PPP2CB: variants seen among roughly 807,000 people sequenced by gnomAD.
PPP2CB encodes the protein protein phosphatase 2 catalytic subunit beta.
PPP2CB carries 18 observed loss-of-function variants against 39.1 expected under a neutral mutation model. That is an observed-to-expected ratio of 0.46 (90% CI 0.32 to 0.68). The LOEUF is 0.68. Among genes scored for constraint, PPP2CB ranks in the 30% least tolerant of loss-of-function variants. PPP2CB has a pLI of 0.04. For synonymous variants in PPP2CB, 129 were observed against 133.8 expected, an observed-to-expected ratio of 0.96 and a Z score of 0.25; for missense variants, 226 against 396.9, an observed-to-expected ratio of 0.57 and a Z score of 3.66.
intron 1 of PPP2CB, among the ~76,000 whole-genome samples, chr8:30,804,727 T>C (rs1270765627): frequency 2.6e-5 from 4 of 152,188 alleles, no homozygotes; most frequent in African/African-American, 9.7e-5. Context: ...AACTTTATTT[T>C]TTGTCTGCTG....
intron 1 of PPP2CB, among the ~76,000 whole-genome samples, chr8:30,809,758 C>T (rs946011274): frequency 3.3e-5 from 5 of 151,842 alleles, no homozygotes; most frequent in African/African-American, 9.7e-5. Flanking sequence ...CTGGGCAACA[C>T]GGTGAGACCC....
intron 6 of PPP2CB, 51 bp from the exon 7 acceptor site, chr8:30,786,358 A>C (rs1406707698): frequency 3.5e-6 from 5 of 1,413,124 alleles, no homozygotes; most frequent in Non-Finnish European, 4.9e-6. Flanking sequence ...TTGCAAAGAA[A>C]ACAAATGAAT....
At chr8:30,794,938 T>C (rs1419221318) in intron 3 of PPP2CB, among the ~76,000 whole-genome samples, 1 of 152,244 alleles carries the variant, frequency 6.6e-6, no homozygotes, top group Non-Finnish European at 1.5e-5. Context: ...TCTCAATGTT[T>C]ATACGTTTTA....
At position 30,789,801 on chromosome 8, in the gene PPP2CB, C is replaced by T. The variant is rs188144733; in HGVS notation, c.857+1396G>A. ...TCCTGGGGCTGCCGTAACAAATTACCGAACTGTATAGCTTATACAACGGGG... is the reference window on the plus strand; with the variant it reads ...TCCTGGGGCTGCCGTAACAAATTACTGAACTGTATAGCTTATACAACGGGG... On this transcript the variant is annotated intron_variant, in intron 6 of 6. Transcript: ENST00000221138. Among the ~76,000 whole-genome samples, 24 of 152,272 alleles carry T rather than the reference C, an allele frequency of 1.6e-4. No homozygotes were observed. In the East Asian group the frequency reaches 3.7e-3, roughly 23 times the overall value.
Position 30,785,923 on chromosome 8 carries a change from T to C in PPP2CB, c.*312A>G. 6.0e-6 allele frequency: 3 copies of C among 498,212 alleles called. No individual in the cohort carries two copies. The highest frequency in any genetic ancestry group is 2.5e-5 in the Admixed American group (1 of 40,684). The allele number at this position is 498,212 out of a possible 1,614,324, so 30.9% of individuals were successfully genotyped here. A position where few individuals can be genotyped will look rare whatever the true frequency, so the allele number is the denominator to read the frequency against. ...AAACACTATAACTAAAATTTCCAAA[T>C]AAGCGCAAAAGGAGATGAAGCAGTT... On this transcript the variant is annotated 3_prime_UTR_variant, in exon 7 of 7. Transcript: ENST00000221138.
chr8:30,812,275 C>G (rs1186505937), intron 1 of PPP2CB, 45 bp downstream of exon 1: 1 of 1,390,112 alleles, frequency 7.2e-7, no homozygotes, highest in Non-Finnish European at 9.5e-7. Flanking sequence ...AGCGGCGGCC[C>G]GTCCCAGCCC....
chr8:30,787,517 C>T (rs967344625), intron 6 of PPP2CB, among the ~76,000 whole-genome samples: 1 of 152,062 alleles, frequency 6.6e-6, no homozygotes, highest in African/African-American at 2.4e-5. Context: ...TTTTTGTATT[C>T]TTTGTAGATA....
Position 30,799,651 on chromosome 8 carries a change from A to G in PPP2CB, c.207T>C (p.Phe69=), listed in dbSNP as rs758058075. The change falls in exon 2 of 7, where the codon TTT becomes TTC. Residue 69 remains phenylalanine (F), a synonymous_variant. Coordinates refer to ENST00000221138, the MANE Select transcript of PPP2CB (RefSeq NM_001009552.2). ...TATCCGGTGATTTTCCACCAATTCT[A>G]AAGAGTTCCATAAGATCATGAAATT... ...HGQFHDLMEL[F]RIGGKSPDTN... is the part of the protein sequence containing the mutation. The G allele has an allele frequency of 4.3e-6, 7 of 1,614,022 alleles. No individual in the cohort carries two copies. Among genetic ancestry groups the G allele is most frequent in the South Asian group, 2.2e-5 (2 of 91,086 alleles).
Position 30,806,214 on chromosome 8 carries a change from AT to A in PPP2CB, c.102+6105del, listed in dbSNP as rs550522092. Among the ~76,000 whole-genome samples the A allele has an allele frequency of 7.5e-3, 1,066 of 142,130 alleles. 17 individuals carry two copies. Among genetic ancestry groups the A allele is most frequent in the Admixed American group, 0.044 (630 of 14,282 alleles). The allele number at this position is 142,130 out of a possible 152,430, so 93.2% of individuals were successfully genotyped here. A position where few individuals can be genotyped will look rare whatever the true frequency, so the allele number is the denominator to read the frequency against. On this transcript the variant is annotated intron_variant, in intron 1 of 6. Transcript: ENST00000221138. ...AGGCGCCTGCCACCACGCCTGGCTG[AT>A]TTTTTTTTTTTTGTATTTTTAGTGG...
intron 6 of PPP2CB, among the ~76,000 whole-genome samples, chr8:30,786,985 G>T (rs1043246010): frequency 6.6e-6 from 1 of 152,070 alleles, no homozygotes; most frequent in Non-Finnish European, 1.5e-5. Flanking sequence ...ATTTTCTTGA[G>T]TGTTTCTGGC....
chr8:30,786,509 T>TTTTTTTTTTTTTTTTTTG, intron 6 of PPP2CB: 2 of 382,536 alleles, frequency 5.2e-6, no homozygotes, highest in South Asian at 9.5e-5. Context: ...GGTGAAAATT[T>TTTTTTTTTTTTTTTTTTG]AAGAAGACAG....
chr8:30,809,771 T>TA (rs925288236), intron 1 of PPP2CB, among the ~76,000 whole-genome samples: 3 of 151,542 alleles, frequency 2.0e-5, no homozygotes, highest in Admixed American at 6.6e-5. Context: ...TGAGACCCCA[T>TA]AAAAAAAATA....
In PPP2CB at chr8:30,797,652, TC is replaced by T; in HGVS notation, c.414del (p.Asn139MetfsTer20). 6.2e-7 allele frequency: 1 copy of T among 1,613,936 alleles called. No homozygotes were observed. The highest frequency in any genetic ancestry group is 8.5e-7 in the Non-Finnish European group (1 of 1,179,844). ...GFYDECLRKYGNANVWKYFTD... is the reference protein window; with the variant it reads ...GFYDECLRKYXNANVWKYFTD... ...GTAAAATATTTCCAAACGTTGGCAT[TC>T]CCATACTTTCGCAGACATTCATCAT... On this transcript the variant is annotated frameshift_variant, in exon 3 of 7. Coordinates refer to ENST00000221138, the MANE Select transcript of PPP2CB (RefSeq NM_001009552.2). LOFTEE classifies it high-confidence loss of function.
chr8:30,805,221 C>T (rs1379358203), intron 1 of PPP2CB, among the ~76,000 whole-genome samples: 3 of 152,138 alleles, frequency 2.0e-5, no homozygotes, highest in Non-Finnish European at 4.4e-5. Context: ...AAATATCATG[C>T]GGAACTCTTT....
chr8:30,809,447 T>C (rs1373227474), intron 1 of PPP2CB, among the ~76,000 whole-genome samples: 1 of 151,994 alleles, frequency 6.6e-6, no homozygotes, highest in Non-Finnish European at 1.5e-5. Context: ...TATATACTCA[T>C]ACATACACAA....
intron 1 of PPP2CB, among the ~76,000 whole-genome samples, chr8:30,805,418 G>C (rs903431519): frequency 3.3e-5 from 5 of 152,090 alleles, no homozygotes; most frequent in African/African-American, 9.6e-5. Flanking sequence ...AAATTAGCCG[G>C]GAGTGGTGGC....
intron 1 of PPP2CB, among the ~76,000 whole-genome samples, chr8:30,806,737 A>G (rs1806732374): frequency 6.6e-6 from 1 of 152,216 alleles, no homozygotes; most frequent in African/African-American, 2.4e-5. Context: ...CTGAAGAGAA[A>G]AGACTGTGAA....
intron 5 of PPP2CB, among the ~76,000 whole-genome samples, chr8:30,792,900 G>GT (rs888926084): frequency 3.8e-4 from 58 of 151,870 alleles, no homozygotes; most frequent in African/African-American, 8.0e-4. Flanking sequence ...GTAAATTTGT[G>GT]TTTTTTTTAT....
intron 3 of PPP2CB, among the ~76,000 whole-genome samples, chr8:30,795,177 G>A (rs551376221): frequency 2.6e-4 from 39 of 147,802 alleles, no homozygotes; most frequent in Non-Finnish European, 4.3e-4. Context: ...GTGCAATGGC[G>A]TGATCTCGGC....
Sources: allele counts gnomAD v4.1 joint callset (sites outside exome capture counted in the v4.1 genomes callset), GRCh38; gene constraint gnomAD v4.1.1; transcripts MANE v1.5; gene names NCBI Gene and HGNC (gene_info 2026-07-23, HGNC 2026-07-21).